Variants in SUCO observed in about 807,000 individuals in gnomAD.
SUCO encodes SUN domain-containing ossification factor.
A neutral mutation model predicts 148.1 loss-of-function variants in SUCO; 57 were observed. The observed-to-expected ratio is 0.38, with a 90% CI of 0.31 to 0.48. SUCO has a LOEUF of 0.48. Among genes scored for constraint, SUCO ranks in the 20% least tolerant of loss-of-function variants. The probability of loss-of-function intolerance (pLI) is 0.96; values close to 1 mark genes in which losing one functional copy is unlikely to be tolerated. For missense variants in SUCO, 1,331 were observed against 1,468.2 expected (o/e 0.91, Z 1.53); for synonymous variants, 470 against 502.7 (o/e 0.93, Z 0.87).
At chr1:172,568,265 T>C in intron 6 of SUCO, 1 of 956,472 alleles carries the variant, frequency 1.0e-6, no homozygotes, top group Non-Finnish European at 1.2e-6. Context: ...TTACTGAAAT[T>C]GTATTTCTTT....
intron 1 of SUCO, among the ~76,000 whole-genome samples, chr1:172,541,513 A>G (rs1652453910): frequency 6.6e-6 from 1 of 152,250 alleles, no homozygotes; most frequent in African/African-American, 2.4e-5. Context: ...GAAGGACTTC[A>G]TCTTGGCAGT....
chr1:172,589,058 A>C lies in SUCO; in HGVS notation c.1957A>C (p.Ser653Arg). 6.2e-7 allele frequency: 1 copy of C among 1,613,744 alleles called. No individual in the cohort carries two copies. The highest frequency in any genetic ancestry group is 1.7e-4 in the Middle Eastern group (1 of 6,058). Residue 653 changes from serine (S) to arginine (R), a missense_variant, in exon 18 of 24, where the codon AGT becomes CGT. Coordinates refer to ENST00000263688, the MANE Select transcript of SUCO (RefSeq NM_014283.5). Reference sequence around the variant, plus strand: ...TCGGCAGCGCAGCCGAACTGCTTTGAGTAAAGGAAAAGATTATCTTGTGTT... The same window carrying C: ...TCGGCAGCGCAGCCGAACTGCTTTGCGTAAAGGAAAAGATTATCTTGTGTT... ...LYRQRSRTAL[S>R]KGKDYLVLAQ...
At position 172,585,943 on chromosome 1, in the gene SUCO, T is replaced by C; in HGVS notation, c.1653T>C (p.Ser551=). 1 of 1,599,168 alleles carries C rather than the reference T, an allele frequency of 6.3e-7. No individual in the cohort carries two copies. Among genetic ancestry groups the C allele is most frequent in the Non-Finnish European group, 8.6e-7 (1 of 1,169,356 alleles). The change falls in exon 17 of 24, where the codon TCT becomes TCC. Residue 551 remains serine (S), a synonymous_variant. Coordinates refer to ENST00000263688, the MANE Select transcript of SUCO (RefSeq NM_014283.5). ...CTCCTGTTTCAACTCCTGTTCCATC[T>C]CCTGAGTAAGTTATAATGTGATATT... is the stretch of plus-strand genomic sequence containing the variant. ...ESTPVSTPVP[S]PEYVTTEVHT...
intron 10 of SUCO, among the ~76,000 whole-genome samples, chr1:172,574,604 G>C (rs895330318): frequency 6.6e-6 from 1 of 151,792 alleles, no homozygotes; most frequent in Non-Finnish European, 1.5e-5. Flanking sequence ...ATAAAAATAT[G>C]TACTTTTACA....
rs191434770 is a variant in SUCO, at chr1:172,573,304, T to C, written c.1050-587T>C. Among the ~76,000 whole-genome samples, 555 of 152,308 alleles carry C rather than the reference T, an allele frequency of 3.6e-3. 7 individuals are homozygous for C. Among genetic ancestry groups the C allele is most frequent in the African/African-American group, 0.013 (535 of 41,566 alleles). On this transcript the variant is annotated intron_variant, in intron 9 of 23. Coordinates refer to ENST00000263688, the MANE Select transcript of SUCO (RefSeq NM_014283.5). ...CTCTAGATTTTTTATGTAAATGAAATGATAGTTTCTGGTACCAGTTTTAAT... is the reference window on the plus strand; with the variant it reads ...CTCTAGATTTTTTATGTAAATGAAACGATAGTTTCTGGTACCAGTTTTAAT...
chr1:172,574,982 T>C (rs1176541724), intron 10 of SUCO: 1 of 726,668 alleles, frequency 1.4e-6, no homozygotes, highest in East Asian at 1.3e-4. Flanking sequence ...AGTGTATTTT[T>C]TTAACGTGGT....
chr1:172,609,411 G>A, intron 23 of SUCO: 2 of 943,756 alleles, frequency 2.1e-6, no homozygotes, highest in Non-Finnish European at 2.5e-6. Flanking sequence ...TTACTACATT[G>A]TAACTTGGGC....
At chr1:172,570,432 A>G (rs1571228131) in intron 8 of SUCO, 1 of 494,802 alleles carries the variant, frequency 2.0e-6, no homozygotes, top group Non-Finnish European at 3.6e-6. Context: ...TTTTTTCTTT[A>G]AAGTAACAGG....
chr1:172,550,924 T>A, intron 1 of SUCO: 1 of 939,306 alleles, frequency 1.1e-6, no homozygotes, highest in Non-Finnish European at 1.3e-6. Flanking sequence ...TTAACTCTAC[T>A]TGATAATAAT....
intron 15 of SUCO, among the ~76,000 whole-genome samples, chr1:172,580,374 C>A (rs1037560358): frequency 1.4e-4 from 21 of 152,178 alleles, no homozygotes; most frequent in African/African-American, 4.3e-4. Flanking sequence ...TACTTTATTG[C>A]TAGGCTTCTG....
chr1:172,564,596 T>A (rs1166266994), intron 6 of SUCO, among the ~76,000 whole-genome samples: 1 of 151,304 alleles, frequency 6.6e-6, no homozygotes, highest in Non-Finnish European at 1.5e-5. Context: ...GAACTGTGAT[T>A]CAGTTAAACT....
chr1:172,598,373 A>T (rs566262492), intron 19 of SUCO, among the ~76,000 whole-genome samples: 1 of 152,318 alleles, frequency 6.6e-6, no homozygotes, highest in East Asian at 1.9e-4. Context: ...TTAGTCAGCT[A>T]ATGTTAAGTC....
At chr1:172,609,480 A>G (rs958256027) in intron 23 of SUCO, 19 of 908,058 alleles carry the variant, frequency 2.1e-5, no homozygotes, top group Non-Finnish European at 2.5e-5. Context: ...TAAAATACCG[A>G]CCTTTCAGGG....
intron 21 of SUCO, 65 bp downstream of exon 21, chr1:172,602,283 T>C: frequency 1.4e-6 from 2 of 1,442,180 alleles, no homozygotes; most frequent in Non-Finnish European, 1.8e-6. Context: ...TTTTGAGAAA[T>C]TTTAAGCAAA....
chr1:172,596,142 G>T (rs1045801872), intron 19 of SUCO, among the ~76,000 whole-genome samples: 9 of 152,134 alleles, frequency 5.9e-5, no homozygotes, highest in African/African-American at 2.2e-4. Context: ...ATCAATTAAG[G>T]TATTCTCTAT....
At chr1:172,547,505 A>G (rs1314752293) in intron 1 of SUCO, among the ~76,000 whole-genome samples, 3 of 152,224 alleles carry the variant, frequency 2.0e-5, no homozygotes, top group South Asian at 2.1e-4. Flanking sequence ...GAAAGACACA[A>G]TGAAGGATTC....
chr1:172,571,678 C>A (rs1414010036), intron 9 of SUCO, among the ~76,000 whole-genome samples: 1 of 116,306 alleles, frequency 8.6e-6, no homozygotes, highest in Non-Finnish European at 1.8e-5. Flanking sequence ...GGCCGCCCAT[C>A]GTCTGAGATG....
chr1:172,555,206 A>G (rs1020694109), intron 3 of SUCO: 3 of 155,784 alleles, frequency 1.9e-5, no homozygotes, highest in African/African-American at 7.2e-5. Flanking sequence ...AGACATGAAT[A>G]ATGGCAATTG....
intron 15 of SUCO, among the ~76,000 whole-genome samples, chr1:172,581,100 AAAAACAAAAC>A (rs971007642): frequency 1.2e-4 from 18 of 152,302 alleles, no homozygotes; most frequent in East Asian, 3.9e-4. Context: ...ACTCTGTCTC[AAAAACAAAAC>A]AAAACAAAAC....
Sources: allele counts gnomAD v4.1 joint callset (sites outside exome capture counted in the v4.1 genomes callset), GRCh38; gene constraint gnomAD v4.1.1; transcripts MANE v1.5; gene names NCBI Gene and HGNC (gene_info 2026-07-23, HGNC 2026-07-21).